The following RNLS variants were observed in gnomAD, a reference collection of about 807,000 sequenced individuals.
RNLS encodes renalase.
Under a neutral mutation model 39.8 loss-of-function variants are expected in RNLS, and 39 were observed. The ratio of observed to expected loss-of-function variants is 0.98; its 90% confidence interval spans 0.76 to 1.28. The LOEUF (loss-of-function observed/expected upper bound fraction) is 1.28. RNLS is among the 50% of genes most tolerant of loss of function. The probability of loss-of-function intolerance (pLI) is 0.00; values close to 1 mark genes in which losing one functional copy is unlikely to be tolerated. For missense variants in RNLS, 410 were observed against 413.3 expected (o/e 0.99, Z 0.07); for synonymous variants, 147 against 150.7 (o/e 0.98, Z 0.18).
At chr10:88,360,398 G>A (rs1309194703) in intron 5 of RNLS, among the ~76,000 whole-genome samples, 1 of 152,048 alleles carries the variant, frequency 6.6e-6, no homozygotes, top group Non-Finnish European at 1.5e-5. Flanking sequence ...GTCTATTAAA[G>A]GGCTTCTGTA....
At chr10:88,520,284 G>A (rs946371788) in intron 4 of RNLS, among the ~76,000 whole-genome samples, 1 of 151,994 alleles carries the variant, frequency 6.6e-6, no homozygotes, top group African/African-American at 2.4e-5. Flanking sequence ...TGGGCACAAT[G>A]ATATTCTCAG....
At chr10:88,194,881 G>A in the RNLS span, among the ~76,000 whole-genome samples, 6,422 of 152,208 alleles carry the variant, frequency 0.042, 223 homozygotes, top group South Asian at 0.13. Context: ...GAGGAACTAG[G>A]CTTTCATATA....
intron 4 of RNLS, among the ~76,000 whole-genome samples, chr10:88,533,536 C>G (rs968836742): frequency 6.6e-6 from 1 of 152,108 alleles, no homozygotes; most frequent in Admixed American, 6.6e-5. Context: ...CACTGGGGAA[C>G]CCCTCAAAGT....
At chr10:88,296,236 G>T (rs1475061954) in intron 6 of RNLS, among the ~76,000 whole-genome samples, 2 of 152,056 alleles carry the variant, frequency 1.3e-5, no homozygotes, top group Non-Finnish European at 2.9e-5. Context: ...CAATTGCTTG[G>T]GAGTCTAGGA....
In RNLS at chr10:88,583,200, G is replaced by T. The variant is rs201278032; in HGVS notation, c.-10C>A. ...TCAGCACCTGCGCCATGGCGAGAGG[G>T]AGCAGCGATCCGCGCTGAGTCTCTG... is the stretch of plus-strand genomic sequence containing the variant. On this transcript the variant is annotated 5_prime_UTR_variant, in exon 1 of 7. Coordinates refer to ENST00000331772, the MANE Select transcript of RNLS (RefSeq NM_001031709.3). The T allele has an allele frequency of 2.9e-5, 47 of 1,613,466 alleles. No individual in the cohort carries two copies. In the South Asian group the frequency reaches 4.5e-4, roughly 15 times the overall value.
rs1227798580 is a variant in RNLS at position 88,575,155 on chromosome 10, TATATACACACACAC to T, written c.368-2108_368-2095del. 2.6e-4 allele frequency among the ~76,000 whole-genome samples: 16 copies of T among 62,062 alleles called. No homozygotes were observed. In the East Asian group the frequency reaches 5.7e-3, roughly 22 times the overall value. 40.7% of individuals were successfully genotyped at this position (62,062 alleles called of 152,430 possible). ...ATATATATATATATATATATATATATATATACACACACACACACACACACATATTATATATATAT... is the reference window on the plus strand; with the variant it reads ...ATATATATATATATATATATATATATACACACACACATATTATATATATAT... On this transcript the variant is annotated intron_variant, in intron 3 of 6. Coordinates refer to ENST00000331772, the MANE Select transcript of RNLS (RefSeq NM_001031709.3).
intron 6 of RNLS, among the ~76,000 whole-genome samples, chr10:88,298,124 G>C (rs1273063709): frequency 6.6e-6 from 1 of 151,664 alleles, no homozygotes; most frequent in Non-Finnish European, 1.5e-5. Context: ...TTTCTTCTTT[G>C]GGAAAATGTC....
intron 4 of RNLS, among the ~76,000 whole-genome samples, chr10:88,421,884 T>G (rs1854430639): frequency 6.6e-6 from 1 of 152,154 alleles, no homozygotes; most frequent in Non-Finnish European, 1.5e-5. Context: ...TCCTCCTCTC[T>G]TAAGAAGCTC....
At chr10:88,443,876 G>GT (rs1184530256) in intron 4 of RNLS, among the ~76,000 whole-genome samples, 1 of 152,260 alleles carries the variant, frequency 6.6e-6, no homozygotes, top group Non-Finnish European at 1.5e-5. Context: ...GCCTGCCTCT[G>GT]TAGACTCCAC....
intron 6 of RNLS, among the ~76,000 whole-genome samples, chr10:88,304,844 C>G (rs944572916): frequency 1.3e-5 from 2 of 151,956 alleles, no homozygotes; most frequent in Non-Finnish European, 2.9e-5. Context: ...TACAGAGAAC[C>G]CTAGTAAGAT....
At chr10:88,462,481 T>C (rs983827106) in intron 4 of RNLS, among the ~76,000 whole-genome samples, 3 of 152,054 alleles carry the variant, frequency 2.0e-5, no homozygotes, top group African/African-American at 7.2e-5. Flanking sequence ...ATTGGATGTT[T>C]AATGTATCCC....
At chr10:88,386,229 A>G (rs759626746) in intron 4 of RNLS, among the ~76,000 whole-genome samples, 29 of 152,190 alleles carry the variant, frequency 1.9e-4, no homozygotes. Flanking sequence ...TTATCAGAAA[A>G]GCTACTGACC....
At chr10:88,438,119 T>G (rs1368970177) in intron 4 of RNLS, among the ~76,000 whole-genome samples, 2 of 89,714 alleles carry the variant, frequency 2.2e-5, no homozygotes, top group Non-Finnish European at 3.9e-5. Context: ...AGAGTGAAAC[T>G]CCTAAAAAAA....
chr10:88,236,888 T>A, the RNLS span, among the ~76,000 whole-genome samples: 1 of 152,126 alleles, frequency 6.6e-6, no homozygotes, highest in Non-Finnish European at 1.5e-5. Flanking sequence ...TCTTCCAGGC[T>A]TTTTTTGTTG....
intron 6 of RNLS, among the ~76,000 whole-genome samples, chr10:88,301,680 T>C (rs577496137): frequency 5.9e-5 from 9 of 152,342 alleles, no homozygotes; most frequent in Admixed American, 5.2e-4. Flanking sequence ...AAGAGTTCCT[T>C]GTGTCCACAG....
intron 4 of RNLS, among the ~76,000 whole-genome samples, chr10:88,571,251 G>T (rs1205661961): frequency 1.3e-5 from 2 of 151,626 alleles, no homozygotes; most frequent in African/African-American, 4.8e-5. Flanking sequence ...CAAAGTGCTG[G>T]GATTATAGGC....
the RNLS span, among the ~76,000 whole-genome samples, chr10:88,245,418 A>G: frequency 5.9e-5 from 9 of 152,164 alleles, no homozygotes; most frequent in Non-Finnish European, 1.0e-4. Flanking sequence ...CAGAACACTA[A>G]CAGAACCCCG....
At chr10:88,538,346 G>A (rs751380959) in intron 4 of RNLS, among the ~76,000 whole-genome samples, 16 of 152,174 alleles carry the variant, frequency 1.1e-4, no homozygotes, top group Middle Eastern at 3.4e-3. Flanking sequence ...GCACTTTGTC[G>A]TCAGAATCAA....
intron 4 of RNLS, among the ~76,000 whole-genome samples, chr10:88,561,832 C>G (rs982061586): frequency 7.2e-5 from 11 of 152,004 alleles, no homozygotes; most frequent in African/African-American, 2.7e-4. Context: ...GTGAAATGCT[C>G]ATAAAAAACA....
Sources: allele counts gnomAD v4.1 joint callset (sites outside exome capture counted in the v4.1 genomes callset), GRCh38; gene constraint gnomAD v4.1.1; transcripts MANE v1.5; gene names NCBI Gene and HGNC (gene_info 2026-07-23, HGNC 2026-07-21).